Variants in TRAPPC9 observed in about 807,000 individuals in gnomAD.
TRAPPC9 encodes the protein trafficking protein particle complex subunit 9, also known as IKK2 binding protein.
TRAPPC9 carries 83 observed loss-of-function variants against 124.0 expected under a neutral mutation model. That is an observed-to-expected ratio of 0.67 (90% confidence interval 0.56 to 0.80). The LOEUF is 0.80. Among genes scored for constraint, TRAPPC9 ranks in the 30% least tolerant of loss-of-function variants. TRAPPC9 has a pLI of 0.00. For missense variants in TRAPPC9, 1,302 were observed against 1,508.3 expected, an observed-to-expected ratio of 0.86 and a Z score of 2.27; for synonymous variants, 638 against 617.5, an observed-to-expected ratio of 1.03 and a Z score of -0.49.
intron 21 of TRAPPC9, among the ~76,000 whole-genome samples, chr8:139,789,060 G>A (rs111711624): frequency 0.019 from 2,954 of 152,288 alleles, 92 homozygotes; most frequent in African/African-American, 0.067. Context: ...CAGCATGCAC[G>A]CTCATCTAAA....
chr8:140,317,984 T>C (rs1039208810), intron 9 of TRAPPC9, among the ~76,000 whole-genome samples: 3 of 152,178 alleles, frequency 2.0e-5, no homozygotes, highest in Non-Finnish European at 2.9e-5. Context: ...CACCAAAAAA[T>C]AATTATTAAT....
chr8:139,847,738 A>G (rs112514754), intron 21 of TRAPPC9, among the ~76,000 whole-genome samples: 2,018 of 134,310 alleles, frequency 0.015, 40 homozygotes, highest in African/African-American at 0.053. Context: ...CTGGTGGCCC[A>G]GCCTGCAGAT....
chr8:140,190,672 G>A (rs1404103132), intron 17 of TRAPPC9, among the ~76,000 whole-genome samples: 1 of 152,204 alleles, frequency 6.6e-6, no homozygotes, highest in Non-Finnish European at 1.5e-5. Flanking sequence ...GAGGCAAAAA[G>A]CTGTGCGGAA....
rs1363302507 is a variant in TRAPPC9, at chr8:140,337,932, CAG to C, written c.1495+22116_1495+22117del. 3.3e-5 allele frequency among the ~76,000 whole-genome samples: 5 copies of C among 152,144 alleles called. No individual in the cohort carries two copies. The East Asian group carries it at 5.8e-4, about 18-fold the overall frequency. ...ACAGGCTGGACCCCAGTGGACTGAG[CAG>C]AGAGTCTTCTCCCCTGCAAAACGGG... On this transcript the variant is annotated intron_variant, in intron 9 of 22. Coordinates refer to ENST00000438773, the MANE Select transcript of TRAPPC9 (RefSeq NM_001160372.4).
Position 139,788,620 on chromosome 8 carries a change from C to T in TRAPPC9, c.3056-56418G>A, listed in dbSNP as rs1301727691. Reference sequence around the variant, plus strand: ...GCCCATGAAGAACGGTACCCACCCCCGCCCCCGTGTGAGATGCTGGCCCTG... The same window carrying T: ...GCCCATGAAGAACGGTACCCACCCCTGCCCCCGTGTGAGATGCTGGCCCTG... On this transcript the variant is annotated intron_variant, in intron 21 of 22. Transcript: ENST00000438773. The surrounding 1 kb of genome is among the most constrained non-coding windows in gnomAD (Gnocchi z 4.9). Among the ~76,000 whole-genome samples, 1 of 152,192 alleles carries T rather than the reference C, an allele frequency of 6.6e-6. No individual in the cohort carries two copies. The highest frequency in any genetic ancestry group is 2.4e-5 in the African/African-American group (1 of 41,450).
At chr8:140,291,692 G>A (rs2131766904) in intron 11 of TRAPPC9, among the ~76,000 whole-genome samples, 1 of 152,348 alleles carries the variant, frequency 6.6e-6, no homozygotes, top group East Asian at 1.9e-4. Context: ...TGTGATTGAG[G>A]ACCCCAATCC....
intron 17 of TRAPPC9, among the ~76,000 whole-genome samples, chr8:140,220,186 G>T (rs1461778614): frequency 6.6e-6 from 1 of 152,222 alleles, no homozygotes; most frequent in African/African-American, 2.4e-5. Context: ...CGCCAGGGGA[G>T]GGTGGTGGGG....
At chr8:139,918,999 G>A (rs1487374154) in intron 19 of TRAPPC9, among the ~76,000 whole-genome samples, 3 of 152,170 alleles carry the variant, frequency 2.0e-5, no homozygotes, top group Admixed American at 1.3e-4. Flanking sequence ...GCCGGTGCCC[G>A]GAGCTTCATT....
rs905260630 is a variant in TRAPPC9, at chr8:139,890,139, C to T, written c.2965-4170G>A. ...CTTTATCTTTTTGCAAAAGCGAATC[C>T]GACTCTCCCTCAACGAGCCAGCACA... On this transcript the variant is annotated intron_variant, in intron 20 of 22. Coordinates refer to ENST00000438773, the MANE Select transcript of TRAPPC9 (RefSeq NM_001160372.4). 4.6e-5 allele frequency among the ~76,000 whole-genome samples: 7 copies of T among 152,234 alleles called. No homozygotes were observed. In the East Asian group the frequency reaches 9.6e-4, roughly 21 times the overall value.
At chr8:140,022,294 T>A (rs912672757) in intron 18 of TRAPPC9, among the ~76,000 whole-genome samples, 1 of 151,926 alleles carries the variant, frequency 6.6e-6, no homozygotes, top group African/African-American at 2.4e-5. Flanking sequence ...GACTTAGGAA[T>A]AACAGAAAAG....
chr8:139,997,824 C>A (rs1245482504), intron 18 of TRAPPC9, among the ~76,000 whole-genome samples: 1 of 144,234 alleles, frequency 6.9e-6, no homozygotes, highest in African/African-American at 2.6e-5. Context: ...GGAGACAATG[C>A]ATCCCACACA....
chr8:140,363,660 C>T (rs1336105594), intron 8 of TRAPPC9, among the ~76,000 whole-genome samples: 1 of 151,776 alleles, frequency 6.6e-6, no homozygotes, highest in Non-Finnish European at 1.5e-5. Context: ...TGCAATGCCA[C>T]GATCTTGGTT....
Position 140,422,736 on chromosome 8 carries a change from A to G in TRAPPC9, c.886+3879T>C, listed in dbSNP as rs559157505. On this transcript the variant is annotated intron_variant, in intron 5 of 22. Coordinates refer to ENST00000438773, the MANE Select transcript of TRAPPC9 (RefSeq NM_001160372.4). ...ACCACTGCACTCCAGCCTGGGCGAC[A>G]AAGCAAGATTCTGTCTCAAAAAAAA... Among the ~76,000 whole-genome samples the G allele has an allele frequency of 4.0e-5, 6 of 149,016 alleles. No homozygotes were observed. The East Asian group carries it at 1.2e-3, about 29-fold the overall frequency.
At chr8:140,198,056 T>C (rs2062709193) in intron 17 of TRAPPC9, among the ~76,000 whole-genome samples, 1 of 152,196 alleles carries the variant, frequency 6.6e-6, no homozygotes. Flanking sequence ...CCTCAGAGCA[T>C]TCACAGCATC....
At chr8:140,132,801 A>AGGAGGC (rs1456262002) in intron 17 of TRAPPC9, among the ~76,000 whole-genome samples, 1 of 151,576 alleles carries the variant, frequency 6.6e-6, no homozygotes, top group Non-Finnish European at 1.5e-5. Context: ...TCGGAGGAGG[A>AGGAGGC]GGAGGAGGAA....
chr8:139,839,375 C>T (rs7812357), intron 21 of TRAPPC9, among the ~76,000 whole-genome samples: 16,493 of 152,226 alleles, frequency 0.11, 954 homozygotes, highest in African/African-American at 0.11. Context: ...TCCTATGCAG[C>T]CCCAGGGCAG....
intron 17 of TRAPPC9, among the ~76,000 whole-genome samples, chr8:140,067,024 G>GT (rs1842926493): frequency 1.3e-5 from 2 of 152,168 alleles, no homozygotes; most frequent in South Asian, 4.1e-4. Flanking sequence ...TAGGGTAAAC[G>GT]TATTTCCTCT....
At chr8:140,272,243 G>A (rs1208710346) in intron 15 of TRAPPC9, among the ~76,000 whole-genome samples, 4 of 149,526 alleles carry the variant, frequency 2.7e-5, no homozygotes, top group East Asian at 2.0e-4. Flanking sequence ...GGTAGTGGTG[G>A]GGGTGGGGGT....
chr8:140,430,966 G>C (rs968550866), intron 4 of TRAPPC9, among the ~76,000 whole-genome samples: 1 of 152,078 alleles, frequency 6.6e-6, no homozygotes. Flanking sequence ...CACTAATAAG[G>C]GCGGAATTTT....
Sources: gnomAD v4.1 joint callset for allele counts (sites outside exome capture counted in the v4.1 genomes callset) on GRCh38, gnomAD v4.1.1 for gene constraint, Gnocchi (gnomAD v3.1) non-coding constraint, MANE v1.5 for transcripts, NCBI Gene and HGNC (gene_info 2026-07-23, HGNC 2026-07-21) for gene names.